Variants in EML6 observed in about 807,000 individuals in gnomAD.
EML6 encodes the protein EMAP like 6, also known as echinoderm microtubule-associated protein-like 6.
In EML6, 154 loss-of-function variants were observed where a neutral mutation model predicts 240.1. That is an observed-to-expected ratio of 0.64 (90% CI 0.56 to 0.73). EML6 has a LOEUF of 0.73. EML6 is among the 30% of genes least tolerant of loss of function. The pLI is 0.00. For synonymous variants in EML6, 1,148 were observed against 899.0 expected (o/e 1.28, Z -4.95); for missense variants, 2,964 against 2,474.6 (o/e 1.20, Z -4.20).
At chr2:54,960,066 A>G (rs1676424239) in intron 34 of EML6, among the ~76,000 whole-genome samples, 154 bp from the exon 35 acceptor site, 1 of 152,208 alleles carries the variant, frequency 6.6e-6, no homozygotes, top group South Asian at 2.1e-4. Flanking sequence ...CCTAAGAGAG[A>G]GGCTGCCTGG....
At chr2:54,893,639 A>G (rs924757591) in intron 19 of EML6, among the ~76,000 whole-genome samples, 2 of 152,116 alleles carry the variant, frequency 1.3e-5, no homozygotes, top group African/African-American at 4.8e-5. Flanking sequence ...GCAAATATCA[A>G]CTTCTTTTCA....
chr2:54,897,313 T>C (rs1672822579), intron 21 of EML6, among the ~76,000 whole-genome samples: 1 of 152,258 alleles, frequency 6.6e-6, no homozygotes, highest in Non-Finnish European at 1.5e-5. Context: ...AATTCTATTC[T>C]TTCCTATGTT....
In EML6 at chr2:54,928,447, T is replaced by C; in HGVS notation, c.3810T>C (p.Phe1270=). ...CCCTGATGATCTGGACCAGGGAGTT[T>C]GTGGGGACCCAGGAGAGCAAGCTGG... ...DTALMIWTRE[F]VGTQESKLVD... The change falls in exon 27 of 42, where the codon TTT becomes TTC. Residue 1270 remains phenylalanine, a synonymous_variant. Transcript: ENST00000356458. The C allele has an allele frequency of 6.4e-7, 1 of 1,550,752 alleles. No homozygotes were observed. The highest frequency in any genetic ancestry group is 2.4e-5 in the East Asian group (1 of 40,876).
chr2:54,879,464 A>AGT, intron 16 of EML6, 83 bp from the exon 17 acceptor site: 1 of 847,244 alleles, frequency 1.2e-6, no homozygotes, highest in Non-Finnish European at 1.9e-6. Context: ...TCTTAAGATC[A>AGT]GTTACTTATT....
intron 28 of EML6, among the ~76,000 whole-genome samples, chr2:54,943,801 A>C (rs919413908): frequency 6.6e-6 from 1 of 152,246 alleles, no homozygotes; most frequent in Non-Finnish European, 1.5e-5. Flanking sequence ...TCAACATGTA[A>C]TATAAAATTA....
At chr2:54,842,607 T>C (rs1247066813) in intron 7 of EML6, among the ~76,000 whole-genome samples, 3 of 152,322 alleles carry the variant, frequency 2.0e-5, no homozygotes, top group African/African-American at 7.2e-5. Flanking sequence ...GGGAGGCAAA[T>C]TGGAGCCCAT....
rs188189930 is a variant in EML6, at chr2:54,904,890, A to T, written c.3409+1388A>T. Among the ~76,000 whole-genome samples the T allele has an allele frequency of 3.2e-3, 493 of 152,318 alleles. 5 individuals are homozygous for T. The highest frequency in any genetic ancestry group is 0.011 in the African/African-American group (462 of 41,560). The stretch of plus-strand genomic sequence containing the variant: ...GTAGTGGCCATAGACCAGGACTTGG[A>T]AACCCTTCTGCCTGGCAGGTATTTA... On this transcript the variant is annotated intron_variant, in intron 24 of 41. Coordinates refer to ENST00000356458, the MANE Select transcript of EML6 (RefSeq NM_001039753.4).
chr2:54,876,725 C>A (rs1368934938), intron 16 of EML6, among the ~76,000 whole-genome samples: 2 of 152,086 alleles, frequency 1.3e-5, no homozygotes, highest in Non-Finnish European at 2.9e-5. Context: ...CACATAATTG[C>A]AAATGTTTAC....
chr2:54,806,788 G>A, intron 2 of EML6, among the ~76,000 whole-genome samples: 1 of 152,020 alleles, frequency 6.6e-6, no homozygotes, highest in East Asian at 1.9e-4. Context: ...AGTACTCATA[G>A]TACCTACTTT....
intron 11 of EML6, among the ~76,000 whole-genome samples, chr2:54,856,269 C>T (rs974557229): frequency 3.9e-5 from 6 of 152,204 alleles, no homozygotes; most frequent in Admixed American, 3.3e-4. Flanking sequence ...CACACAGACA[C>T]TGAAACGAGG....
At chr2:54,911,494 A>G (rs1370387567) in intron 25 of EML6, among the ~76,000 whole-genome samples, 1 of 150,320 alleles carries the variant, frequency 6.7e-6, no homozygotes, top group Non-Finnish European at 1.5e-5. Context: ...CAGGGGCACC[A>G]TCTTGGCTCA....
intron 25 of EML6, among the ~76,000 whole-genome samples, chr2:54,916,128 G>C (rs1401512085): frequency 6.6e-6 from 1 of 152,210 alleles, no homozygotes; most frequent in African/African-American, 2.4e-5. Flanking sequence ...GAGCATACAG[G>C]ATATTAAGCT....
intron 21 of EML6, among the ~76,000 whole-genome samples, chr2:54,898,583 G>A (rs556365767): frequency 6.6e-6 from 1 of 152,258 alleles, no homozygotes; most frequent in African/African-American, 2.4e-5. Context: ...GTTGTATTTG[G>A]AACTTTACAT....
Position 54,947,638 on chromosome 2 carries a change from A to G in EML6, c.4005-1244A>G, listed in dbSNP as rs1675756245. 2.0e-5 allele frequency among the ~76,000 whole-genome samples: 3 copies of G among 152,274 alleles called. 1 individual carries two copies. The South Asian group carries it at 6.2e-4, about 32-fold the overall frequency. On this transcript the variant is annotated intron_variant, in intron 28 of 41. Coordinates refer to ENST00000356458, the MANE Select transcript of EML6 (RefSeq NM_001039753.4). ...ACATAACTCCCCACGACATCCAGGA[A>G]GATGTCATTGTTTTTCTGACAGCAA...
rs1677029305 is a variant in EML6, at chr2:54,971,814, A to C, written c.*1719A>C. On this transcript the variant is annotated 3_prime_UTR_variant, in exon 42 of 42. Coordinates refer to ENST00000356458, the MANE Select transcript of EML6 (RefSeq NM_001039753.4). Reference sequence around the variant, plus strand: ...TGAATCGATTAATGATGACATGTACAACCATATTTAAAGAGCAATAGTGTC... The same window carrying C: ...TGAATCGATTAATGATGACATGTACCACCATATTTAAAGAGCAATAGTGTC... 1 of 152,264 alleles carries C rather than the reference A, an allele frequency of 6.6e-6. No homozygotes were observed. The highest frequency in any genetic ancestry group is 6.5e-5 in the Admixed American group (1 of 15,288). 9.4% of individuals were successfully genotyped at this position (152,264 alleles called of 1,614,324 possible). A position where few individuals can be genotyped will look rare whatever the true frequency, so the allele number is the denominator to read the frequency against.
intron 28 of EML6, among the ~76,000 whole-genome samples, chr2:54,942,136 T>G (rs1276684067): frequency 1.3e-5 from 2 of 152,228 alleles, no homozygotes; most frequent in Non-Finnish European, 2.9e-5. Context: ...TCTGATAATT[T>G]TAGGCATTAA....
chr2:54,825,694 C>A (rs1007577852), intron 5 of EML6, among the ~76,000 whole-genome samples: 1 of 152,178 alleles, frequency 6.6e-6, no homozygotes, highest in Non-Finnish European at 1.5e-5. Context: ...GCCCTTCATT[C>A]TTGCCAAGGC....
chr2:54,968,372 C>A, intron 40 of EML6, 91 bp downstream of exon 40: 1 of 1,216,138 alleles, frequency 8.2e-7, no homozygotes, highest in Non-Finnish European at 1.2e-6. Flanking sequence ...CTCTGGGAGA[C>A]ACAGAGAAAC....
intron 12 of EML6, among the ~76,000 whole-genome samples, chr2:54,862,286 C>T: frequency 7.0e-6 from 1 of 143,086 alleles, no homozygotes; most frequent in Non-Finnish European, 1.5e-5. Context: ...TGCAGTGAGC[C>T]ACGATTGTGC....
Sources: allele counts gnomAD v4.1 joint callset (sites outside exome capture counted in the v4.1 genomes callset), GRCh38; gene constraint gnomAD v4.1.1; transcripts MANE v1.5; gene names NCBI Gene and HGNC (gene_info 2026-07-23, HGNC 2026-07-21).